Variants in WDR91 observed in about 807,000 individuals in gnomAD.
WDR91 encodes WD repeat domain 91, also known as WD repeat-containing protein 91.
WDR91 carries 52 observed loss-of-function variants against 88.4 expected under a neutral mutation model. The observed-to-expected ratio is 0.59, with a 90% confidence interval of 0.47 to 0.74. The LOEUF is 0.74. WDR91 is among the 30% of genes least tolerant of loss of function. WDR91 has a pLI of 0.00. For missense variants in WDR91, 824 were observed against 954.5 expected (o/e 0.86, Z 1.80); for synonymous variants, 362 against 389.5 (o/e 0.93, Z 0.83).
At chr7:135,188,270 G>A (rs1054416204) in intron 13 of WDR91, 163 bp downstream of exon 13, 2 of 575,532 alleles carry the variant, frequency 3.5e-6, no homozygotes, top group Non-Finnish European at 3.1e-6. Context: ...CTAAAACCTC[G>A]CAAAGATTGT....
intron 11 of WDR91, among the ~76,000 whole-genome samples, chr7:135,192,965 G>A (rs1831224203): frequency 6.6e-6 from 1 of 152,180 alleles, no homozygotes; most frequent in Non-Finnish European, 1.5e-5. Flanking sequence ...GTAACAGTAT[G>A]TCAGAGGGAG....
At chr7:135,197,832 T>G in intron 7 of WDR91, 161 bp downstream of exon 7, 1 of 833,312 alleles carries the variant, frequency 1.2e-6, no homozygotes, top group South Asian at 2.3e-5. Context: ...GCCAGGCAAA[T>G]GATGAACCCA....
chr7:135,201,213 G>T (rs577979371), intron 6 of WDR91, among the ~76,000 whole-genome samples: 34 of 152,262 alleles, frequency 2.2e-4, no homozygotes, highest in African/African-American at 6.5e-4. Context: ...ATTCTTGCTG[G>T]TGGGAAGGAT....
chr7:135,193,664 C>T lies in WDR91; in HGVS notation c.1404G>A (p.Leu468=). The T allele has an allele frequency of 6.2e-7, 1 of 1,613,978 alleles. No homozygotes were observed. The stretch of plus-strand genomic sequence containing the variant: ...GACGCACTGTTCCCACACCACTGCC[C>T]AGCAAGAGCTGGAATGACAAGGGGC... ...WATKRDRLLL[L]GSGVGTVRLY... Residue 468 remains leucine, a synonymous_variant, in exon 10 of 15, where the codon CTG becomes CTA. Transcript: ENST00000354475.
intron 12 of WDR91, among the ~76,000 whole-genome samples, 171 bp downstream of exon 12, chr7:135,189,173 T>C (rs117568275): frequency 0.074 from 11,287 of 152,278 alleles, 522 homozygotes; most frequent in Middle Eastern, 0.2. Flanking sequence ...GCGAGTTTAT[T>C]ACGGTGGGTG....
chr7:135,209,521 G>T, intron 2 of WDR91, 55 bp downstream of exon 2: 1 of 1,451,726 alleles, frequency 6.9e-7, no homozygotes, highest in East Asian at 2.5e-5. Context: ...AATCTATTTT[G>T]GGATCAAAGA....
At chr7:135,197,726 A>C (rs2117671187) in intron 7 of WDR91, 2 of 362,914 alleles carry the variant, frequency 5.5e-6, no homozygotes, top group East Asian at 4.5e-5. Context: ...AGCCAGCTTA[A>C]TCACAGAAGT....
chr7:135,192,114 T>TG (rs56089432), intron 11 of WDR91, among the ~76,000 whole-genome samples: 93,066 of 140,168 alleles, frequency 0.66, 32,280 homozygotes, highest in Admixed American at 0.79. Flanking sequence ...TTGTGTTTTT[T>TG]TTTTTTTTTT....
At chr7:135,195,957 A>G (rs1346919751) in intron 8 of WDR91, among the ~76,000 whole-genome samples, 187 bp downstream of exon 8, 1 of 151,902 alleles carries the variant, frequency 6.6e-6, no homozygotes, top group Non-Finnish European at 1.5e-5. Context: ...AATAAGGAAA[A>G]AAAAAAAAGG....
chr7:135,186,056 G>A lies in WDR91; in HGVS notation c.*95C>T, dbSNP rs1009009750. Reference sequence around the variant, plus strand: ...TCCCTGCAGAGTCACTGCACTGGCAGGGAGCTGGAGTGGAGCACGTGGTTT... The same window carrying A: ...TCCCTGCAGAGTCACTGCACTGGCAAGGAGCTGGAGTGGAGCACGTGGTTT... On this transcript the variant is annotated 3_prime_UTR_variant, in exon 15 of 15. Coordinates refer to ENST00000354475, the MANE Select transcript of WDR91 (RefSeq NM_014149.4). 5.1e-6 allele frequency: 7 copies of A among 1,374,860 alleles called. No individual in the cohort carries two copies. Among genetic ancestry groups the A allele is most frequent in the Non-Finnish European group, 6.8e-6 (7 of 1,033,264 alleles). 85.2% of individuals were successfully genotyped at this position (1,374,860 alleles called of 1,614,324 possible).
At position 135,206,056 on chromosome 7, in the gene WDR91, A is replaced by C. The variant is rs142566345; in HGVS notation, c.597T>G (p.Leu199=). 6 of 1,614,160 alleles carry C rather than the reference A, an allele frequency of 3.7e-6. No individual in the cohort carries two copies. The highest frequency in any genetic ancestry group is 1.1e-5 in the South Asian group (1 of 91,086). ...QEENEVLRQK[L]FALQAEIHRL... is the part of the protein sequence containing the mutation. ...GGTGGATTTCAGCTTGCAATGCAAA[A>C]AGCTATACAGGGGTGGGACTGAGTT... Residue 199 remains leucine (L), a splice_region_variant and synonymous_variant, in exon 5 of 15, where the codon CTT becomes CTG. Coordinates refer to ENST00000354475, the MANE Select transcript of WDR91 (RefSeq NM_014149.4).
rs1831692232 is a variant in WDR91, at chr7:135,204,513, G to A, written c.726-80C>T. 3.4e-6 allele frequency: 5 copies of A among 1,492,286 alleles called. No individual in the cohort carries two copies. In the Admixed American group the frequency reaches 7.9e-5, roughly 24 times the overall value. The allele number at this position is 1,492,286 out of a possible 1,614,324, so 92.4% of individuals were successfully genotyped here. A position where few individuals can be genotyped will look rare whatever the true frequency, so the allele number is the denominator to read the frequency against. ...CAAGAACATAGACCTCCCGGGCTAT[G>A]GATGACGTTAAGTGACCAGGCCTGG... On this transcript the variant is annotated intron_variant, in intron 5 of 14. Transcript: ENST00000354475.
Position 135,196,376 on chromosome 7 carries a change from G to A in WDR91, c.1051-39C>T. 6.8e-7 allele frequency: 1 copy of A among 1,480,798 alleles called. No individual in the cohort carries two copies. The highest frequency in any genetic ancestry group is 9.0e-7 in the Non-Finnish European group (1 of 1,115,128). 91.7% of individuals were successfully genotyped at this position (1,480,798 alleles called of 1,614,324 possible). On this transcript the variant is annotated intron_variant, in intron 7 of 14. Coordinates refer to ENST00000354475, the MANE Select transcript of WDR91 (RefSeq NM_014149.4). The surrounding 1 kb of genome is among the most constrained non-coding windows in gnomAD (Gnocchi z 4.2). ...GGTGGGGACAAGTCAGCCAGGAAAG[G>A]GTCCCCCACACCAGGGTGTACACCG... is the stretch of plus-strand genomic sequence containing the variant.
chr7:135,200,422 ACT>A, intron 6 of WDR91: 1 of 152,214 alleles, frequency 6.6e-6, no homozygotes, highest in East Asian at 1.9e-4. Flanking sequence ...AGAACTGTGT[ACT>A]CTCTAGACAA....
chr7:135,189,499 C>T, intron 11 of WDR91, 47 bp from the exon 12 acceptor site: 2 of 1,520,902 alleles, frequency 1.3e-6, no homozygotes, highest in Non-Finnish European at 1.8e-6. Context: ...TCACTCAGCC[C>T]AGGCACGCTG....
chr7:135,189,193 C>T (rs1451266501), intron 12 of WDR91, 151 bp downstream of exon 12: 7 of 626,036 alleles, frequency 1.1e-5, no homozygotes, highest in East Asian at 2.8e-5. Context: ...GTTTTGAAAA[C>T]GTTGACCAAA....
At chr7:135,193,752 G>A in intron 9 of WDR91, 80 bp from the exon 10 acceptor site, 1 of 1,254,670 alleles carries the variant, frequency 8.0e-7, no homozygotes, top group Admixed American at 2.0e-5. Flanking sequence ...AGGGGGTGAG[G>A]CTGGGCAGGC....
chr7:135,210,092 G>A (rs933494635), intron 1 of WDR91, among the ~76,000 whole-genome samples: 7 of 152,218 alleles, frequency 4.6e-5, no homozygotes, highest in African/African-American at 1.7e-4. Flanking sequence ...GCTCACGCCT[G>A]TAATCCCAGC....
intron 14 of WDR91, 83 bp from the exon 15 acceptor site, chr7:135,186,398 G>C (rs1431482929): frequency 6.9e-7 from 1 of 1,456,302 alleles, no homozygotes; most frequent in African/African-American, 1.4e-5. Context: ...CCTACCTGAG[G>C]ATGTGCCTGA....
Sources: allele counts gnomAD v4.1 joint callset (sites outside exome capture counted in the v4.1 genomes callset), GRCh38; gene constraint gnomAD v4.1.1; non-coding constraint Gnocchi (gnomAD v3.1); transcripts MANE v1.5; gene names NCBI Gene and HGNC (gene_info 2026-07-23, HGNC 2026-07-21).